Variants in UBAP1 observed in about 807,000 individuals in gnomAD.
The protein encoded by UBAP1 is ubiquitin-associated protein 1.
Under a neutral mutation model 39.0 loss-of-function variants are expected in UBAP1, and 5 were observed. That is an observed-to-expected ratio of 0.13 (90% confidence interval 0.07 to 0.27). UBAP1 has a LOEUF of 0.27. Among genes scored for constraint, UBAP1 ranks in the 10% least tolerant of loss-of-function variants. The pLI, the probability that UBAP1 is intolerant of heterozygous loss-of-function variation, is 1.00. For missense variants in UBAP1, 490 were observed against 608.1 expected (o/e 0.81, Z 2.04); for synonymous variants, 211 against 225.1 (o/e 0.94, Z 0.56).
chr9:34,221,816 A>G (rs1017998303), intron 2 of UBAP1, among the ~76,000 whole-genome samples: 1 of 152,178 alleles, frequency 6.6e-6, no homozygotes, highest in Non-Finnish European at 1.5e-5. Flanking sequence ...ATAAACTACT[A>G]TCTGCCTTTG....
At chr9:34,185,226 A>G (rs554307178) in intron 1 of UBAP1, among the ~76,000 whole-genome samples, 11 of 152,182 alleles carry the variant, frequency 7.2e-5, no homozygotes, top group African/African-American at 1.4e-4. Flanking sequence ...GAGCCACTGC[A>G]CTCGGCCCTG....
intron 4 of UBAP1, among the ~76,000 whole-genome samples, chr9:34,249,566 C>T (rs974387150): frequency 4.6e-5 from 7 of 152,086 alleles, no homozygotes; most frequent in African/African-American, 1.4e-4. Flanking sequence ...TTGCAGGTGA[C>T]CTCCCACCTT....
At chr9:34,240,389 G>T (rs1172566338) in intron 3 of UBAP1, among the ~76,000 whole-genome samples, 1 of 152,116 alleles carries the variant, frequency 6.6e-6, no homozygotes, top group Non-Finnish European at 1.5e-5. Context: ...TACTTTTAGT[G>T]TGTCTCTCAC....
intron 6 of UBAP1, among the ~76,000 whole-genome samples, chr9:34,251,120 T>C (rs895253968): frequency 6.6e-6 from 1 of 152,178 alleles, no homozygotes; most frequent in African/African-American, 2.4e-5. Flanking sequence ...AAGATGGATG[T>C]GGGTGGTGGG....
chr9:34,211,228 T>C (rs907892527), intron 1 of UBAP1, among the ~76,000 whole-genome samples: 3 of 152,290 alleles, frequency 2.0e-5, no homozygotes, highest in Admixed American at 6.5e-5. Context: ...GAGCTGAGGC[T>C]CCAAAATGCC....
intron 1 of UBAP1, among the ~76,000 whole-genome samples, chr9:34,201,829 C>T (rs911438874): frequency 1.3e-5 from 2 of 152,124 alleles, no homozygotes; most frequent in African/African-American, 4.8e-5. Flanking sequence ...AAGTCTGGGC[C>T]TCAAGTGCTT....
intron 1 of UBAP1, among the ~76,000 whole-genome samples, chr9:34,212,815 C>G (rs920303680): frequency 6.6e-5 from 10 of 152,116 alleles, no homozygotes; most frequent in Non-Finnish European, 1.3e-4. Flanking sequence ...TGACACTATT[C>G]CACAAGATAA....
intron 1 of UBAP1, among the ~76,000 whole-genome samples, chr9:34,219,348 C>T (rs543705840): frequency 6.6e-6 from 1 of 152,088 alleles, no homozygotes; most frequent in African/African-American, 2.4e-5. Context: ...CTCAGCCTTC[C>T]AAAATGTGGG....
intron 2 of UBAP1, among the ~76,000 whole-genome samples, chr9:34,225,704 C>T (rs1370971672): frequency 6.7e-6 from 1 of 149,784 alleles, no homozygotes; most frequent in African/African-American, 2.5e-5. Flanking sequence ...GGCGTGAACC[C>T]AGGAGGAAGA....
At chr9:34,185,910 T>A (rs1830383255) in intron 1 of UBAP1, among the ~76,000 whole-genome samples, 1 of 152,168 alleles carries the variant, frequency 6.6e-6, no homozygotes, top group South Asian at 2.1e-4. Context: ...AGGTAGGTTG[T>A]GTTATGCGTG....
chr9:34,236,753 T>C (rs1165274450), intron 3 of UBAP1, among the ~76,000 whole-genome samples: 2 of 151,958 alleles, frequency 1.3e-5, no homozygotes, highest in African/African-American at 4.8e-5. Context: ...GGTGTTTTCC[T>C]TCTATTTTTT....
intron 1 of UBAP1, among the ~76,000 whole-genome samples, chr9:34,182,215 C>T (rs1181428483): frequency 1.4e-5 from 2 of 145,690 alleles, no homozygotes; most frequent in East Asian, 2.1e-4. Context: ...GACTGAGTCT[C>T]GCACTGTTGC....
intron 2 of UBAP1, among the ~76,000 whole-genome samples, chr9:34,229,258 A>G (rs1038219341): frequency 6.0e-5 from 9 of 149,222 alleles, no homozygotes; most frequent in Admixed American, 2.0e-4. Context: ...TAGGATTTTT[A>G]TCTTTTTTTT....
At chr9:34,181,752 G>A (rs1427071902) in intron 1 of UBAP1, among the ~76,000 whole-genome samples, 1 of 139,038 alleles carries the variant, frequency 7.2e-6, no homozygotes, top group African/African-American at 2.7e-5. Flanking sequence ...TTTTTTTAAT[G>A]AAGGCAAAGG....
intron 1 of UBAP1, among the ~76,000 whole-genome samples, chr9:34,195,102 CAG>C (rs1394389399): frequency 2.0e-5 from 3 of 150,866 alleles, no homozygotes; most frequent in African/African-American, 4.9e-5. Context: ...CATTTGAGAA[CAG>C]AGATTTTTTA....
At position 34,186,904 on chromosome 9, in the gene UBAP1, A is replaced by T. The variant is rs562314089; in HGVS notation, c.-8+7664A>T. On this transcript the variant is annotated intron_variant, in intron 1 of 6. Transcript: ENST00000297661. ...TGGTTTGTGTTTTGTGTTTTTTTTT[A>T]TTTTTTATTTTTTATTTTTTGAGAT... is the stretch of plus-strand genomic sequence containing the variant. 4.8e-3 allele frequency among the ~76,000 whole-genome samples: 713 copies of T among 150,078 alleles called. 4 individuals are homozygous for T. Among genetic ancestry groups the T allele is most frequent in the Non-Finnish European group, 8.0e-3 (542 of 67,454 alleles).
rs1478266132 is a variant in UBAP1, at chr9:34,242,066, T to C, written c.1041T>C (p.Ser347=). 6.2e-7 allele frequency: 1 copy of C among 1,612,884 alleles called. No individual in the cohort carries two copies. The highest frequency in any genetic ancestry group is 8.5e-7 in the Non-Finnish European group (1 of 1,179,018). ...AGATGCCTTCCCTCTCTGTTTTGTC[T>C]GTGTGCACAGAGGAATCATCACCTC... ...SSQMPSLSVL[S]VCTEESSPPN... The change falls in exon 4 of 7, where the codon TCT becomes TCC. Residue 347 remains serine, a synonymous_variant. Coordinates refer to ENST00000297661, the MANE Select transcript of UBAP1 (RefSeq NM_016525.5).
chr9:34,233,195 G>A (rs947448048), intron 2 of UBAP1, among the ~76,000 whole-genome samples: 2 of 147,960 alleles, frequency 1.4e-5, no homozygotes, highest in African/African-American at 4.9e-5. Flanking sequence ...AGAATGTAGT[G>A]TTTTTTAAGC....
intron 1 of UBAP1, chr9:34,211,908 T>A (rs1289791270): frequency 3.7e-6 from 1 of 267,846 alleles, no homozygotes; most frequent in Non-Finnish European, 7.6e-6. Flanking sequence ...TCCTGTAGCA[T>A]TTGAACTGAA....
Sources: gnomAD v4.1 joint callset for allele counts (sites outside exome capture counted in the v4.1 genomes callset) on GRCh38, gnomAD v4.1.1 for gene constraint, MANE v1.5 for transcripts, NCBI Gene and HGNC (gene_info 2026-07-23, HGNC 2026-07-21) for gene names.